Variants in NBEAL1 observed in about 807,000 individuals in gnomAD.
NBEAL1 encodes neurobeachin like 1, also known as neurobeachin-like protein 1.
Under a neutral mutation model 351.3 loss-of-function variants are expected in NBEAL1, and 273 were observed. That is an observed-to-expected ratio of 0.78 (90% CI 0.70 to 0.86). NBEAL1 has a LOEUF of 0.86. Ranked by LOEUF, NBEAL1 falls within the 40% of genes least tolerant of loss-of-function variation. The probability of loss-of-function intolerance (pLI) is 0.00; values close to 1 mark genes in which losing one functional copy is unlikely to be tolerated. For missense variants in NBEAL1, 2,961 were observed against 3,201.3 expected (o/e 0.92, Z 1.81); for synonymous variants, 1,050 against 1,086.4 (o/e 0.97, Z 0.66).
At chr2:203,204,364 G>A (rs1159105409) in intron 51 of NBEAL1, among the ~76,000 whole-genome samples, 4 of 136,828 alleles carry the variant, frequency 2.9e-5, no homozygotes, top group African/African-American at 5.6e-5. Context: ...TCAGTCTGTC[G>A]TCCATGCTGG....
chr2:203,049,430 G>T (rs977907734), intron 3 of NBEAL1, among the ~76,000 whole-genome samples: 1 of 152,134 alleles, frequency 6.6e-6, no homozygotes, highest in African/African-American at 2.4e-5. Context: ...TTTAGAAATG[G>T]TATGCACACT....
chr2:203,118,248 A>C (rs1027021384), intron 18 of NBEAL1, among the ~76,000 whole-genome samples: 2 of 152,210 alleles, frequency 1.3e-5, no homozygotes, highest in Admixed American at 1.3e-4. Context: ...TTTCTACATA[A>C]TCATCTACCT....
chr2:203,207,690 T>C (rs954195559), intron 51 of NBEAL1, among the ~76,000 whole-genome samples: 1 of 152,170 alleles, frequency 6.6e-6, no homozygotes, highest in East Asian at 1.9e-4. Context: ...AAGATGTGCT[T>C]TGTTAAACAG....
At chr2:203,094,888 A>G (rs1478154753) in intron 10 of NBEAL1, among the ~76,000 whole-genome samples, 1 of 152,142 alleles carries the variant, frequency 6.6e-6, no homozygotes, top group Non-Finnish European at 1.5e-5. Context: ...TTTGGAGGCC[A>G]AGGCAGGCGG....
intron 10 of NBEAL1, 52 bp downstream of exon 10, chr2:203,084,621 T>C (rs2061931340): frequency 8.7e-7 from 1 of 1,149,838 alleles, no homozygotes; most frequent in Non-Finnish European, 1.2e-6. Context: ...TATTTTTTGT[T>C]TTTGTTTTGA....
intron 2 of NBEAL1, among the ~76,000 whole-genome samples, chr2:203,021,091 T>C (rs2105992232): frequency 1.3e-5 from 2 of 152,124 alleles, no homozygotes; most frequent in Middle Eastern, 6.8e-3. Context: ...CAGGCCCAGC[T>C]AAATTTTTGT....
intron 35 of NBEAL1, among the ~76,000 whole-genome samples, chr2:203,155,967 A>G (rs1014497917): frequency 2.6e-5 from 4 of 152,064 alleles, no homozygotes; most frequent in African/African-American, 9.7e-5. Context: ...TTCTAGTTCC[A>G]ACCTTCCTTT....
At chr2:203,083,117 TAAAAG>T (rs1196909108) in intron 8 of NBEAL1, 97 bp from the exon 9 acceptor site, 54 of 1,019,916 alleles carry the variant, frequency 5.3e-5, no homozygotes, top group Non-Finnish European at 7.0e-5. Flanking sequence ...ATGTCTTTAT[TAAAAG>T]AAAAGGTTGC....
At chr2:203,110,577 G>T (rs1307263020) in intron 15 of NBEAL1, among the ~76,000 whole-genome samples, 2 of 151,392 alleles carry the variant, frequency 1.3e-5, no homozygotes, top group Admixed American at 1.3e-4. Context: ...GGGAGGCTGA[G>T]TTGGGAGAAT....
intron 8 of NBEAL1, among the ~76,000 whole-genome samples, chr2:203,080,113 G>A (rs984558932): frequency 1.3e-5 from 2 of 152,082 alleles, no homozygotes; most frequent in Non-Finnish European, 2.9e-5. Context: ...ACCATTCTGA[G>A]TTTAAGAGTT....
chr2:203,182,663 G>A (rs1013651328), intron 43 of NBEAL1: 2 of 152,102 alleles, frequency 1.3e-5, no homozygotes, highest in African/African-American at 4.8e-5. Context: ...TGATACACTG[G>A]TATTTTAAGG....
At chr2:203,121,064 G>A (rs540685690) in intron 18 of NBEAL1, among the ~76,000 whole-genome samples, 153 of 152,262 alleles carry the variant, frequency 1.0e-3, no homozygotes, top group Non-Finnish European at 1.6e-3. Flanking sequence ...ATGCCTTTAC[G>A]AATGGAGGTT....
chr2:203,165,320 C>G (rs1347631870), intron 36 of NBEAL1, among the ~76,000 whole-genome samples: 6 of 152,202 alleles, frequency 3.9e-5, no homozygotes, highest in Non-Finnish European at 8.8e-5. Context: ...TGCATTATCT[C>G]TAGTTCCCTT....
intron 42 of NBEAL1, 22 bp from the exon 43 acceptor site, chr2:203,180,360 C>A: frequency 6.3e-7 from 1 of 1,588,170 alleles, no homozygotes; most frequent in Non-Finnish European, 8.5e-7. Flanking sequence ...ATATTTACTT[C>A]TCTTTTAATT....
chr2:203,130,053 C>G (rs1225941563), intron 24 of NBEAL1, among the ~76,000 whole-genome samples: 1 of 152,088 alleles, frequency 6.6e-6, no homozygotes, highest in East Asian at 1.9e-4. Flanking sequence ...GTACCAGCTA[C>G]CTGGGAGGCT....
chr2:203,044,292 A>G (rs2061192024), intron 3 of NBEAL1, among the ~76,000 whole-genome samples: 1 of 152,190 alleles, frequency 6.6e-6, no homozygotes, highest in South Asian at 2.1e-4. Flanking sequence ...CTCAAAATAA[A>G]ATTATTTATT....
chr2:203,052,089 G>T (rs1201612544), intron 4 of NBEAL1, among the ~76,000 whole-genome samples: 5 of 151,926 alleles, frequency 3.3e-5, no homozygotes, highest in African/African-American at 9.7e-5. Context: ...CATGGGTTTT[G>T]ACTAATTTAT....
intron 51 of NBEAL1, among the ~76,000 whole-genome samples, chr2:203,205,302 A>G (rs2065522107): frequency 6.6e-6 from 1 of 151,824 alleles, no homozygotes. Flanking sequence ...ACAGCATCTT[A>G]TTTTTTTTAA....
chr2:203,117,460 T>A (rs1574994351), intron 18 of NBEAL1, among the ~76,000 whole-genome samples: 1 of 2,060 alleles, frequency 4.9e-4, no homozygotes, highest in Non-Finnish European at 0.014. Flanking sequence ...GAGACTCCAT[T>A]CAAAAGAAAG....
Sources: gnomAD v4.1 joint callset for allele counts (sites outside exome capture counted in the v4.1 genomes callset) on GRCh38, gnomAD v4.1.1 for gene constraint, MANE v1.5 for transcripts, NCBI Gene and HGNC (gene_info 2026-07-23, HGNC 2026-07-21) for gene names.